TUT4: variants seen among roughly 807,000 people sequenced by gnomAD.
TUT4 encodes the protein terminal uridylyltransferase 4.
TUT4 carries 36 observed loss-of-function variants against 192.2 expected under a neutral mutation model. The observed-to-expected ratio is 0.19, with a 90% CI of 0.14 to 0.25. The LOEUF (loss-of-function observed/expected upper bound fraction) is 0.25, where lower values mean the gene tolerates loss of function less well. TUT4 is among the 10% of genes least tolerant of loss of function. The pLI is 1.00. For synonymous variants in TUT4, 618 were observed against 666.0 expected, an observed-to-expected ratio of 0.93 and a Z score of 1.11; for missense variants, 1,493 against 1,957.2, an observed-to-expected ratio of 0.76 and a Z score of 4.47.
rs114417091 is a variant in TUT4, at chr1:52,471,535, C to T, written c.2878+417G>A. ...ACTCATCTATAGTGTTATCCAAGAA[C>T]GCTGCAGTGATGAAAATGTTCTCTA... On this transcript the variant is annotated intron_variant, in intron 14 of 29. Transcript: ENST00000257177. Among the ~76,000 whole-genome samples the T allele has an allele frequency of 9.4e-3, 1,431 of 152,256 alleles. 21 individuals are homozygous for T. Among genetic ancestry groups the T allele is most frequent in the African/African-American group, 0.032 (1,320 of 41,550 alleles).
At chr1:52,549,377 C>T (rs886707065) in intron 1 of TUT4, among the ~76,000 whole-genome samples, 2 of 152,142 alleles carry the variant, frequency 1.3e-5, no homozygotes, top group African/African-American at 2.4e-5. Context: ...CTCCCCAAGG[C>T]TCATTACAAT....
At chr1:52,536,999 A>C (rs2149591554) in intron 1 of TUT4, among the ~76,000 whole-genome samples, 1 of 152,088 alleles carries the variant, frequency 6.6e-6, no homozygotes, top group South Asian at 2.1e-4. Context: ...CCCCGTCTCT[A>C]CTAACAAAAA....
Position 52,475,334 on chromosome 1 carries a change from G to A in TUT4, c.2225C>T (p.Ala742Val). The A allele has an allele frequency of 3.7e-6, 6 of 1,614,054 alleles. No homozygotes were observed. The highest frequency in any genetic ancestry group is 5.1e-6 in the Non-Finnish European group (6 of 1,180,000). Residue 742 changes from alanine (A) to valine (V), a missense_variant, in exon 13 of 30, where the codon GCA becomes GTA. Physicochemically the swap from Ala to Val is moderately conservative, Grantham distance 64 (BLOSUM62 0). Transcript: ENST00000257177. The part of the protein sequence containing the change: ...NKKPVKSNNM[A>V]TNGCILLGET... The stretch of plus-strand genomic sequence containing the variant: ...CCCAAGCAGAATACAACCATTGGTT[G>A]CCATATTGTTCGACTTGACTGGTTT...
In TUT4 at chr1:52,475,160, A is replaced by G. The variant is rs762523565; in HGVS notation, c.2399T>C (p.Leu800Pro). ...TATTTCACTGCTTTTGCTGGTAGAA[A>G]GAGATGAAGAGTCCTGTCCGTGGTC... ...FADHGQDSSS[L>P]STSKSSEIEP... Residue 800 changes from leucine to proline, a missense_variant, in exon 13 of 30, where the codon CTT becomes CCT. Leu to Pro is a moderately conservative substitution (Grantham distance 98). Coordinates refer to ENST00000257177, the MANE Select transcript of TUT4 (RefSeq NM_001009881.3). The G allele has an allele frequency of 1.2e-6, 2 of 1,614,170 alleles. No individual in the cohort carries two copies. The highest frequency in any genetic ancestry group is 3.3e-5 in the Admixed American group (2 of 60,020).
In TUT4 at chr1:52,497,186, A is replaced by G. The variant is rs1263332851; in HGVS notation, c.1000-3T>C. 2 of 1,593,902 alleles carry G rather than the reference A, an allele frequency of 1.3e-6. No individual in the cohort carries two copies. The highest frequency in any genetic ancestry group is 8.5e-7 in the Non-Finnish European group (1 of 1,174,358). ...AGCTCACTTTCTTCTTGTTTTTCCT[A>G]TTAATGTAATGATTCACAACAATAA... is the stretch of plus-strand genomic sequence containing the variant. On this transcript the variant is annotated splice_region_variant and splice_polypyrimidine_tract_variant and intron_variant, in intron 4 of 29. Coordinates refer to ENST00000257177, the MANE Select transcript of TUT4 (RefSeq NM_001009881.3).
chr1:52,448,268 A>G (rs1162439555), intron 20 of TUT4, among the ~76,000 whole-genome samples: 1 of 152,228 alleles, frequency 6.6e-6, no homozygotes, highest in Non-Finnish European at 1.5e-5. Flanking sequence ...CATCTAGCAC[A>G]TATTCCGACA....
At chr1:52,524,890 C>T (rs1209348917) in intron 2 of TUT4, among the ~76,000 whole-genome samples, 2 of 152,106 alleles carry the variant, frequency 1.3e-5, no homozygotes, top group African/African-American at 2.4e-5. Flanking sequence ...CTTAGAAGGC[C>T]CTGATATTCC....
intron 2 of TUT4, among the ~76,000 whole-genome samples, chr1:52,520,917 C>T (rs1680084440): frequency 6.6e-6 from 1 of 151,970 alleles, no homozygotes; most frequent in African/African-American, 2.4e-5. Flanking sequence ...CTCAGCCTCC[C>T]GAGTAGCTGG....
At position 52,461,537 on chromosome 1, in the gene TUT4, G is replaced by A. The variant is rs776182385; in HGVS notation, c.3207C>T (p.Gly1069=). Residue 1069 remains glycine (G), a synonymous_variant, in exon 18 of 30, where the codon GGC becomes GGT. Coordinates refer to ENST00000257177, the MANE Select transcript of TUT4 (RefSeq NM_001009881.3). Reference sequence around the variant, plus strand: ...CCAACGTATTATATAAACTGATATCGCCTTCTAACCCACTTCGCCTGTGTT... The same window carrying A: ...CCAACGTATTATATAAACTGATATCACCTTCTAACCCACTTCGCCTGTGTT... ...KFEHRRSGLE[G]DISLYNTLAQ... is the part of the protein sequence containing the mutation. 4.3e-6 allele frequency: 7 copies of A among 1,612,258 alleles called. No individual in the cohort carries two copies. Among genetic ancestry groups the A allele is most frequent in the Non-Finnish European group, 4.2e-6 (5 of 1,179,340 alleles).
Position 52,481,411 on chromosome 1 carries a change from A to G in TUT4, c.1848+12T>C. 2 of 1,612,484 alleles carry G rather than the reference A, an allele frequency of 1.2e-6. No individual in the cohort carries two copies. The highest frequency in any genetic ancestry group is 1.7e-6 in the Non-Finnish European group (2 of 1,179,384). On this transcript the variant is annotated intron_variant, in intron 11 of 29. Coordinates refer to ENST00000257177, the MANE Select transcript of TUT4 (RefSeq NM_001009881.3). ...GATAGAAAAGCCAAAAAACAAAAAC[A>G]AAAAGGCTTACTTTGCCATGTTTTT...
chr1:52,474,790 C>G (rs762126707), intron 13 of TUT4, 42 bp downstream of exon 13: 1 of 1,497,986 alleles, frequency 6.7e-7, no homozygotes, highest in Non-Finnish European at 8.9e-7. Context: ...AGTCATACAA[C>G]AACCACAAAA....
chr1:52,475,629 G>A (rs2148892656), intron 12 of TUT4, 94 bp from the exon 13 acceptor site: 2 of 1,177,068 alleles, frequency 1.7e-6, no homozygotes, highest in South Asian at 1.7e-5. Context: ...AAACTGTCAG[G>A]AGAATACATT....
At chr1:52,439,684 T>C (rs187653399) in intron 24 of TUT4, among the ~76,000 whole-genome samples, 133 of 152,372 alleles carry the variant, frequency 8.7e-4, no homozygotes, top group African/African-American at 3.1e-3. Context: ...CTGGTGGGAA[T>C]GTAAAGTAGC....
chr1:52,452,430 G>C (rs980944441), intron 20 of TUT4, among the ~76,000 whole-genome samples: 1 of 152,154 alleles, frequency 6.6e-6, no homozygotes, highest in Non-Finnish European at 1.5e-5. Context: ...TTTAAAATGG[G>C]GGTTGGTCAC....
At chr1:52,443,519 G>A (rs1212175062) in intron 24 of TUT4, among the ~76,000 whole-genome samples, 2 of 151,898 alleles carry the variant, frequency 1.3e-5, no homozygotes, top group East Asian at 3.9e-4. Flanking sequence ...AACCTGGGAG[G>A]CGGAGGTTGT....
chr1:52,458,448 C>T lies in TUT4; in HGVS notation c.3323G>A (p.Arg1108Gln), dbSNP rs960524160. The T allele has an allele frequency of 3.7e-6, 6 of 1,607,580 alleles. No individual in the cohort carries two copies. Among genetic ancestry groups the T allele is most frequent in the South Asian group, 1.1e-5 (1 of 90,212 alleles). Residue 1108 changes from arginine (R) to glutamine (Q), a missense_variant and splice_region_variant, in exon 20 of 30, where the codon CGA (arginine) becomes CAA (glutamine). Transcript: ENST00000257177. ...CCTGGAAGCATCCCCAATGTCACAT[C>T]GCTAAAAAACAACATGATTGAAAAC... ...LGYTMKVFAK[R>Q]CDIGDASRGS...
In TUT4 at chr1:52,516,013, C is replaced by T; in HGVS notation, c.760G>A (p.Glu254Lys). The T allele has an allele frequency of 6.2e-7, 1 of 1,613,494 alleles. No homozygotes were observed. Among genetic ancestry groups the T allele is most frequent in the Non-Finnish European group, 8.5e-7 (1 of 1,179,756 alleles). The change falls in exon 3 of 30, where the codon GAG (glutamate) becomes AAG (lysine). Residue 254 changes from glutamate to lysine, a missense_variant. Glu to Lys is a moderately conservative substitution (Grantham distance 56). Coordinates refer to ENST00000257177, the MANE Select transcript of TUT4 (RefSeq NM_001009881.3). ...GTGGCATTTTCTAAGTAGTCCATCTCTGAAGAATTTTCTTTATTAGATTCA... is the reference window on the plus strand; with the variant it reads ...GTGGCATTTTCTAAGTAGTCCATCTTTGAAGAATTTTCTTTATTAGATTCA... The part of the protein sequence containing the change: ...NDESNKENSS[E>K]MDYLENATVI...
At chr1:52,482,412 G>C (rs1240851845) in intron 9 of TUT4, among the ~76,000 whole-genome samples, 1 of 152,044 alleles carries the variant, frequency 6.6e-6, no homozygotes, top group Non-Finnish European at 1.5e-5. Flanking sequence ...TATCAAGAAA[G>C]TCCCTTTAAG....
chr1:52,498,902 T>TTATATA (rs60991652), intron 4 of TUT4, among the ~76,000 whole-genome samples: 1 of 23,302 alleles, frequency 4.3e-5, no homozygotes, highest in Non-Finnish European at 7.3e-5. Flanking sequence ...AAAAAAAAAA[T>TTATATA]TATATATATA....
Sources: allele counts gnomAD v4.1 joint callset (sites outside exome capture counted in the v4.1 genomes callset), GRCh38; gene constraint gnomAD v4.1.1; transcripts MANE v1.5; gene names NCBI Gene and HGNC (gene_info 2026-07-23, HGNC 2026-07-21).